The following AKAP13 variants were observed in gnomAD, a reference collection of about 807,000 sequenced individuals.
The protein encoded by AKAP13 is A-kinase anchoring protein 13.
In AKAP13, 80 loss-of-function variants were observed where a neutral mutation model predicts 264.5. That is an observed-to-expected ratio of 0.30 (90% confidence interval 0.25 to 0.36). The LOEUF (loss-of-function observed/expected upper bound fraction) is 0.36, where lower values mean the gene tolerates loss of function less well. Among genes scored for constraint, AKAP13 ranks in the 10% least tolerant of loss-of-function variants. The pLI is 1.00. For missense variants in AKAP13, 3,712 were observed against 3,435.2 expected (o/e 1.08, Z -2.01); for synonymous variants, 1,380 against 1,250.2 (o/e 1.10, Z -2.19).
chr15:85,607,170 TC>T (rs2080391404), intron 8 of AKAP13, among the ~76,000 whole-genome samples: 2 of 152,086 alleles, frequency 1.3e-5, no homozygotes, highest in Admixed American at 1.3e-4. Flanking sequence ...ACTTAGTAGT[TC>T]CTTTATTCTT....
chr15:85,581,644 C>T lies in AKAP13; in HGVS notation c.3576C>T (p.Ala1192=). The T allele has an allele frequency of 6.2e-7, 1 of 1,614,130 alleles. No individual in the cohort carries two copies. The highest frequency in any genetic ancestry group is 2.2e-5 in the East Asian group (1 of 44,880). Residue 1192 remains alanine, a synonymous_variant, in exon 7 of 37, where the codon GCC becomes GCT. Coordinates refer to ENST00000394518, the MANE Select transcript of AKAP13 (RefSeq NM_007200.5). ...EAHPVLLQPV[A]KELPTDMELS... ...ATCCTGTCCTACTGCAGCCTGTTGC[C>T]AAGGAGCTCCCCACAGACATGGAGC... is the stretch of plus-strand genomic sequence containing the variant.
intron 14 of AKAP13, among the ~76,000 whole-genome samples, chr15:85,674,822 GTA>G (rs1410395471): frequency 7.0e-6 from 1 of 142,034 alleles, no homozygotes; most frequent in Non-Finnish European, 1.6e-5. Context: ...ACTGAAATAT[GTA>G]TGTGTGTGTG....
At chr15:85,544,575 T>TAAA (rs2077672883) in intron 5 of AKAP13, among the ~76,000 whole-genome samples, 2 of 152,228 alleles carry the variant, frequency 1.3e-5, no homozygotes, top group South Asian at 4.1e-4. Flanking sequence ...CCTGACTCTT[T>TAAA]AAAGAGTTCT....
intron 6 of AKAP13, among the ~76,000 whole-genome samples, chr15:85,575,894 G>T (rs1376881409): frequency 6.6e-6 from 1 of 152,176 alleles, no homozygotes. Flanking sequence ...TCTGAGGCAG[G>T]CAGATCATGT....
rs1017212199 is a variant in AKAP13, at chr15:85,390,542, G to C, written c.-12+9744G>C. ...TCAAATAGGCTCTTAGGTATGGTGG[G>C]AAACAGCTGAAGGATTTGAGCAAGG... On this transcript the variant is annotated intron_variant, in intron 1 of 36. Coordinates refer to ENST00000394518, the MANE Select transcript of AKAP13 (RefSeq NM_007200.5). Among the ~76,000 whole-genome samples, 5 of 149,990 alleles carry C rather than the reference G, an allele frequency of 3.3e-5. No individual in the cohort carries two copies. The South Asian group carries it at 8.4e-4, about 25-fold the overall frequency.
chr15:85,585,752 A>G lies in AKAP13; in HGVS notation c.4090A>G (p.Ile1364Val), dbSNP rs758496083. The stretch of plus-strand genomic sequence containing the variant: ...TGAAGTGGATTTTAGAGCAAGTTCA[A>G]TTTCTGAAGAAGTGGCTGTAGGGAG... The part of the protein sequence containing the change: ...EDEVDFRASS[I>V]SEEVAVGSIA... Residue 1364 changes from isoleucine (I) to valine (V), a missense_variant, in exon 8 of 37, where the codon ATT becomes GTT. Ile to Val is a conservative substitution (Grantham distance 29). Coordinates refer to ENST00000394518, the MANE Select transcript of AKAP13 (RefSeq NM_007200.5). 30 of 1,614,054 alleles carry G rather than the reference A, an allele frequency of 1.9e-5. No individual in the cohort carries two copies. The highest frequency in any genetic ancestry group is 2.4e-5 in the Non-Finnish European group (28 of 1,180,010).
chr15:85,669,328 A>G (rs2083788030), intron 13 of AKAP13, among the ~76,000 whole-genome samples: 1 of 152,220 alleles, frequency 6.6e-6, no homozygotes, highest in Non-Finnish European at 1.5e-5. Flanking sequence ...TTTTCAAAGA[A>G]CAAGTATTGT....
chr15:85,729,488 A>G (rs1270540068), intron 29 of AKAP13, among the ~76,000 whole-genome samples: 1 of 152,150 alleles, frequency 6.6e-6, no homozygotes, highest in African/African-American at 2.4e-5. Context: ...CGTGCTGAGA[A>G]CAAGGCATCT....
chr15:85,690,416 T>C (rs1021647530), intron 16 of AKAP13, among the ~76,000 whole-genome samples: 1 of 152,260 alleles, frequency 6.6e-6, no homozygotes, highest in Non-Finnish European at 1.5e-5. Context: ...AAAGAAATTA[T>C]TTGAAAAAAC....
intron 5 of AKAP13, among the ~76,000 whole-genome samples, chr15:85,574,154 A>G (rs2078927209): frequency 6.6e-6 from 1 of 152,244 alleles, no homozygotes; most frequent in Admixed American, 6.5e-5. Context: ...TCAGACATTT[A>G]CATTTGTGCT....
intron 8 of AKAP13, among the ~76,000 whole-genome samples, chr15:85,630,147 TTC>T (rs1472292189): frequency 6.7e-6 from 1 of 148,712 alleles, no homozygotes; most frequent in Non-Finnish European, 1.5e-5. Context: ...GACTTCTCTA[TTC>T]TCTGTTTTTT....
rs777485997 is a variant in AKAP13 at position 85,730,705 on chromosome 15, A to C, written c.7280A>C (p.Glu2427Ala). The C allele has an allele frequency of 1.2e-6, 2 of 1,611,452 alleles. No homozygotes were observed. The highest frequency in any genetic ancestry group is 2.7e-5 in the African/African-American group (2 of 74,876). The change falls in exon 30 of 37, where the codon GAG becomes GCG. Residue 2427 changes from glutamate (E) to alanine (A), a missense_variant and splice_region_variant. Around this residue, in one of 3 missense-constraint regions of AKAP13, gnomAD observed 611 missense variants for 539.3 expected, o/e 1.13. Transcript: ENST00000394518. ...GGPLMKSAIN[E>A]VEILQGLVSG... ...CCTTTAATGAAAAGTGCAATAAATG[A>C]GGGTAATTAACATTCAGCATTGCCC...
chr15:85,408,693 G>A (rs1262070323), intron 1 of AKAP13, among the ~76,000 whole-genome samples: 4 of 151,790 alleles, frequency 2.6e-5, no homozygotes, highest in Non-Finnish European at 5.9e-5. Context: ...TCCATTGTAT[G>A]TATATACCAC....
intron 10 of AKAP13, among the ~76,000 whole-genome samples, chr15:85,646,408 C>G (rs1470517754): frequency 6.6e-6 from 1 of 152,054 alleles, no homozygotes; most frequent in Non-Finnish European, 1.5e-5. Flanking sequence ...GCCTGGGTGG[C>G]AGAGCGAGAC....
In AKAP13 at chr15:85,581,915, C is replaced by G; in HGVS notation, c.3847C>G (p.Pro1283Ala). ...GGCCTGTCACATGTCACTGTCCAGC[C>G]CTGAGTTGGGTCCTCTCACTAAAGG... ...GEACHMSLSS[P>A]ELGPLTKGLE... Residue 1283 changes from proline (P) to alanine (A), a missense_variant, in exon 7 of 37, where the codon CCT becomes GCT. Around this residue, in one of 3 missense-constraint regions of AKAP13, gnomAD observed 2,759 missense variants for 2,411.7 expected, o/e 1.14. Transcript: ENST00000394518. 1 of 1,614,196 alleles carries G rather than the reference C, an allele frequency of 6.2e-7. No homozygotes were observed. Among genetic ancestry groups the G allele is most frequent in the Non-Finnish European group, 8.5e-7 (1 of 1,180,022 alleles).
At chr15:85,698,722 T>C (rs952277141) in intron 17 of AKAP13, among the ~76,000 whole-genome samples, 4 of 151,738 alleles carry the variant, frequency 2.6e-5, no homozygotes, top group African/African-American at 9.7e-5. Flanking sequence ...GGCAGGTAGA[T>C]CACTTGAGGT....
At chr15:85,389,456 G>A (rs541660979) in intron 1 of AKAP13, among the ~76,000 whole-genome samples, 1 of 152,292 alleles carries the variant, frequency 6.6e-6, no homozygotes, top group Non-Finnish European at 1.5e-5. Context: ...TCTAAAGGAT[G>A]CTGCCTCATG....
chr15:85,726,566 T>C (rs1431775727), intron 27 of AKAP13, 80 bp downstream of exon 27: 2 of 1,164,274 alleles, frequency 1.7e-6, no homozygotes, highest in African/African-American at 1.5e-5. Context: ...GTTATTGCTC[T>C]CCCCCGCCCT....
intron 2 of AKAP13, among the ~76,000 whole-genome samples, chr15:85,491,243 G>GT (rs1297769337): frequency 6.6e-6 from 1 of 151,916 alleles, no homozygotes; most frequent in Non-Finnish European, 1.5e-5. Context: ...TCCTATCCCT[G>GT]TGTGTACTCA....
Sources: allele counts gnomAD v4.1 joint callset (sites outside exome capture counted in the v4.1 genomes callset), GRCh38; gene constraint gnomAD v4.1.1; regional missense constraint gnomAD v4.1.1; transcripts MANE v1.5; gene names NCBI Gene and HGNC (gene_info 2026-07-23, HGNC 2026-07-21).